Variants in ABR observed in about 807,000 individuals in gnomAD.
ABR encodes ABR activator of RhoGEF and GTPase, also known as active breakpoint cluster region-related protein.
A neutral mutation model predicts 107.2 loss-of-function variants in ABR; 35 were observed. That is an observed-to-expected ratio of 0.33 (90% CI 0.25 to 0.43). ABR has a LOEUF of 0.43. Ranked by LOEUF, ABR falls within the 20% of genes least tolerant of loss-of-function variation. The pLI, the probability that ABR is intolerant of heterozygous loss-of-function variation, is 1.00. For missense variants in ABR, 815 were observed against 1,115.2 expected (o/e 0.73, Z 3.83); for synonymous variants, 498 against 462.0 (o/e 1.08, Z -1.00).
In ABR at chr17:1,214,756, G is replaced by A. The variant is rs370683692; in HGVS notation, c.838+14037C>T. Among the ~76,000 whole-genome samples the A allele has an allele frequency of 1.3e-3, 191 of 151,646 alleles. 2 individuals are homozygous for A. In the South Asian group the frequency reaches 0.033, roughly 26 times the overall value. On this transcript the variant is annotated intron_variant, in intron 1 of 22. Transcript: ENST00000574139. ...GCGGATGTTGCAGCGAGCCAAGATC[G>A]TGCCACTGCACTCCAGCCTAGGCAA... is the stretch of plus-strand genomic sequence containing the variant.
rs965309935 is a variant in ABR, at chr17:1,211,559, A to G, written c.838+17234T>C. On this transcript the variant is annotated intron_variant, in intron 1 of 22. Coordinates refer to the ABR transcript ENST00000574139. ...TGATTTTTTTACCATAGATTTCCTCATTAATCCCCACAACATTCCAGGAAA... is the reference window on the plus strand; with the variant it reads ...TGATTTTTTTACCATAGATTTCCTCGTTAATCCCCACAACATTCCAGGAAA... Among the ~76,000 whole-genome samples, 11 of 152,318 alleles carry G rather than the reference A, an allele frequency of 7.2e-5. No homozygotes were observed. The South Asian group carries it at 8.3e-4, about 11-fold the overall frequency.
At chr17:1,042,447 G>A (rs1272810024) in intron 16 of ABR, among the ~76,000 whole-genome samples, 3 of 150,236 alleles carry the variant, frequency 2.0e-5, no homozygotes, top group Admixed American at 6.6e-5. Context: ...ATGGACAGGC[G>A]GATAAACAGA....
intron 1 of ABR, chr17:1,125,598 G>A (rs2039564565): frequency 2.7e-6 from 1 of 373,824 alleles, no homozygotes; most frequent in Non-Finnish European, 4.7e-6. Flanking sequence ...GGGAGGAGCG[G>A]CTCTGCTGTT....
intron 4 of ABR, among the ~76,000 whole-genome samples, chr17:1,085,499 G>T (rs559391831): frequency 7.9e-5 from 12 of 152,254 alleles, no homozygotes; most frequent in Non-Finnish European, 1.6e-4. Flanking sequence ...ATAAAGCTGA[G>T]AATAGGCATG....
At chr17:1,077,043 T>G (rs2151214407) in intron 6 of ABR, among the ~76,000 whole-genome samples, 1 of 152,334 alleles carries the variant, frequency 6.6e-6, no homozygotes, top group East Asian at 1.9e-4. Context: ...TTTCCTGTGA[T>G]TAAAACGGGA....
chr17:1,180,039 G>T (rs1598070442), upstream of ABR, among the ~76,000 whole-genome samples: 2 of 113,320 alleles, frequency 1.8e-5, no homozygotes, highest in Non-Finnish European at 3.8e-5. Context: ...GCTTTGGTGC[G>T]GGGGCGGGGC....
At chr17:1,194,353 A>AT (rs1437920707) in intron 1 of ABR, among the ~76,000 whole-genome samples, 1 of 151,046 alleles carries the variant, frequency 6.6e-6, no homozygotes, top group African/African-American at 2.4e-5. Context: ...ACGCCCAGCT[A>AT]TTTTTTTGTT....
At chr17:1,089,494 AC>A (rs2036871129) in intron 4 of ABR, among the ~76,000 whole-genome samples, 2 of 152,240 alleles carry the variant, frequency 1.3e-5, no homozygotes, top group Non-Finnish European at 2.9e-5. Flanking sequence ...CCACTTTGTG[AC>A]ACGGCTCTAG....
intron 2 of ABR, among the ~76,000 whole-genome samples, chr17:1,103,523 A>C (rs1300757663): frequency 6.6e-6 from 1 of 152,198 alleles, no homozygotes; most frequent in Non-Finnish European, 1.5e-5. Context: ...GATGGGGGGA[A>C]GAAAGGGATT....
At chr17:1,170,829 T>C (rs554467283) in intron 1 of ABR, among the ~76,000 whole-genome samples, 1 of 152,290 alleles carries the variant, frequency 6.6e-6, no homozygotes, top group East Asian at 1.9e-4. Context: ...CCCAGGATCC[T>C]GGGAGACCCA....
At chr17:1,146,722 C>T (rs1358847088) in intron 1 of ABR, among the ~76,000 whole-genome samples, 2 of 151,028 alleles carry the variant, frequency 1.3e-5, no homozygotes, top group Non-Finnish European at 2.9e-5. Flanking sequence ...GCCACTACTG[C>T]CACCATTGCC....
rs2069902058 is a variant in ABR at position 1,004,799 on chromosome 17, T to G, written c.*1281A>C. The G allele has an allele frequency of 5.3e-6, 2 of 374,846 alleles. No homozygotes were observed. Among genetic ancestry groups the G allele is most frequent in the Admixed American group, 9.2e-5 (2 of 21,778 alleles). 23.2% of individuals were successfully genotyped at this position (374,846 alleles called of 1,614,324 possible). ...AGTTCCCAGTGTTTACCCAAAAGGC[T>G]GTATCCAGAAGCTGGGGCGGCACCA... On this transcript the variant is annotated 3_prime_UTR_variant, in exon 23 of 23. Coordinates refer to ENST00000302538, the MANE Select transcript of ABR (RefSeq NM_021962.5).
rs1316909264 is a variant in ABR at position 1,006,001 on chromosome 17, T to G, written c.*79A>C. 1 of 1,299,014 alleles carries G rather than the reference T, an allele frequency of 7.7e-7. No homozygotes were observed. Among genetic ancestry groups the G allele is most frequent in the Admixed American group, 2.0e-5 (1 of 50,584 alleles). 80.5% of individuals were successfully genotyped at this position (1,299,014 alleles called of 1,614,324 possible). A position where few individuals can be genotyped will look rare whatever the true frequency, so the allele number is the denominator to read the frequency against. On this transcript the variant is annotated 3_prime_UTR_variant, in exon 23 of 23. Coordinates refer to ENST00000302538, the MANE Select transcript of ABR (RefSeq NM_021962.5). The stretch of plus-strand genomic sequence containing the variant: ...AGTGCTGGGTTTGGGAGTTTTCTAT[T>G]GCAGTCTTTCAAGTCTGAGTTGGAC...
chr17:1,140,336 G>T (rs562392238), intron 1 of ABR, among the ~76,000 whole-genome samples: 1 of 152,264 alleles, frequency 6.6e-6, no homozygotes, highest in African/African-American at 2.4e-5. Flanking sequence ...AAGACTCATG[G>T]CCATCCCTGT....
chr17:1,108,847 C>T, intron 2 of ABR: 1 of 1,431,948 alleles, frequency 7.0e-7, no homozygotes, highest in Non-Finnish European at 9.2e-7. Flanking sequence ...GCCGCGCGCT[C>T]TGCGCCCGCA....
intron 16 of ABR, among the ~76,000 whole-genome samples, chr17:1,044,612 T>A (rs1319269466): frequency 6.6e-6 from 1 of 151,308 alleles, no homozygotes; most frequent in Non-Finnish European, 1.5e-5. Context: ...GATTGCGCCA[T>A]TGCACTCCAG....
chr17:1,132,410 G>A (rs573595915), intron 1 of ABR, among the ~76,000 whole-genome samples: 63 of 130,122 alleles, frequency 4.8e-4, no homozygotes, highest in African/African-American at 1.7e-3. Flanking sequence ...ATGGAGTCTC[G>A]CTCTGTCACC....
chr17:1,028,444 G>C (rs953104348), intron 16 of ABR, among the ~76,000 whole-genome samples: 1 of 152,116 alleles, frequency 6.6e-6, no homozygotes, highest in Non-Finnish European at 1.5e-5. Context: ...ATGTTGGCCA[G>C]GCTGGTCTTG....
At chr17:1,189,117 G>T (rs555660035), upstream of ABR, among the ~76,000 whole-genome samples, 90 of 152,294 alleles carry the variant, frequency 5.9e-4, no homozygotes, top group Non-Finnish European at 1.2e-3. Context: ...CATGACTCGT[G>T]TTCTCCCGAA....
Sources: gnomAD v4.1 joint callset for allele counts (sites outside exome capture counted in the v4.1 genomes callset) on GRCh38, gnomAD v4.1.1 for gene constraint, MANE v1.5 for transcripts, NCBI Gene and HGNC (gene_info 2026-07-23, HGNC 2026-07-21) for gene names.